TNFRSF21: variants seen among roughly 807,000 people sequenced by gnomAD.
TNFRSF21 encodes TNF receptor superfamily member 21.
Under a neutral mutation model 45.6 loss-of-function variants are expected in TNFRSF21, and 19 were observed. That is an observed-to-expected ratio of 0.42 (90% CI 0.29 to 0.61). TNFRSF21 has a LOEUF of 0.61. TNFRSF21 is among the 20% of genes least tolerant of loss of function. The pLI is 0.23. For synonymous variants in TNFRSF21, 314 were observed against 335.5 expected (o/e 0.94, Z 0.70); for missense variants, 737 against 851.5 (o/e 0.87, Z 1.67).
intron 3 of TNFRSF21, among the ~76,000 whole-genome samples, chr6:47,274,708 G>A (rs1048144762): frequency 1.7e-4 from 26 of 152,090 alleles, no homozygotes; most frequent in African/African-American, 4.6e-4. Context: ...GGCAGCCTAC[G>A]GAATGGGAGA....
chr6:47,271,079 T>G (rs770999092), intron 3 of TNFRSF21, among the ~76,000 whole-genome samples: 30 of 152,194 alleles, frequency 2.0e-4, no homozygotes, highest in Non-Finnish European at 4.1e-4. Flanking sequence ...TGGAACCAAG[T>G]TGGAAAACAC....
chr6:47,253,126 G>A (rs993822175), intron 4 of TNFRSF21, 130 bp downstream of exon 4: 42 of 1,095,770 alleles, frequency 3.8e-5, no homozygotes, highest in African/African-American at 3.1e-4. Flanking sequence ...GTGTGCAGGC[G>A]TATGCGTGTG....
At chr6:47,306,737 C>T (rs1014507110) in intron 1 of TNFRSF21, among the ~76,000 whole-genome samples, 8 of 151,988 alleles carry the variant, frequency 5.3e-5, no homozygotes, top group African/African-American at 1.9e-4. Context: ...AAAGTCATAA[C>T]ACAAAAATGA....
chr6:47,282,475 G>A (rs1482512291), intron 3 of TNFRSF21, among the ~76,000 whole-genome samples: 2 of 151,870 alleles, frequency 1.3e-5, no homozygotes, highest in African/African-American at 2.4e-5. Flanking sequence ...GTCATGGGAT[G>A]GACAAACTTG....
chr6:47,307,707 CAGTT>C (rs1477726202), intron 1 of TNFRSF21, among the ~76,000 whole-genome samples: 3 of 152,314 alleles, frequency 2.0e-5, no homozygotes, highest in Non-Finnish European at 2.9e-5. Context: ...GGCCCTTTCT[CAGTT>C]AGTTAAGGCA....
chr6:47,305,366 C>A (rs1762923979), intron 1 of TNFRSF21, among the ~76,000 whole-genome samples: 1 of 151,946 alleles, frequency 6.6e-6, no homozygotes, highest in South Asian at 2.1e-4. Flanking sequence ...TTCTCTCAAC[C>A]AAAAAATACA....
chr6:47,239,566 T>C (rs1011447408), intron 4 of TNFRSF21, among the ~76,000 whole-genome samples: 2 of 152,308 alleles, frequency 1.3e-5, no homozygotes, highest in South Asian at 4.1e-4. Context: ...AGAGCAGGAA[T>C]AGGCGAGAAC....
intron 4 of TNFRSF21, among the ~76,000 whole-genome samples, chr6:47,252,015 T>C (rs1764907835): frequency 6.6e-6 from 1 of 152,206 alleles, no homozygotes; most frequent in Non-Finnish European, 1.5e-5. Flanking sequence ...AATTAGCACC[T>C]ATAAATTGTT....
At chr6:47,241,479 CA>C (rs1764742429) in intron 4 of TNFRSF21, among the ~76,000 whole-genome samples, 2 of 112,762 alleles carry the variant, frequency 1.8e-5, no homozygotes, top group Non-Finnish European at 4.5e-5. Flanking sequence ...CAAATGTACC[CA>C]ATTTTTTTTT....
intron 1 of TNFRSF21, among the ~76,000 whole-genome samples, chr6:47,302,530 C>G (rs1379591236): frequency 6.6e-6 from 1 of 152,212 alleles, no homozygotes; most frequent in Non-Finnish European, 1.5e-5. Context: ...ATCTTTCCAT[C>G]TTAGCGATGG....
Position 47,309,486 on chromosome 6 carries a change from G to A in TNFRSF21, c.26C>T (p.Thr9Ile). 2 of 1,523,520 alleles carry A rather than the reference G, an allele frequency of 1.3e-6. No homozygotes were observed. Among genetic ancestry groups the A allele is most frequent in the East Asian group, 2.7e-5 (1 of 37,450 alleles). 94.4% of individuals were successfully genotyped at this position (1,523,520 alleles called of 1,614,324 possible). ...GATGCGGCTGCAGGAGGCGAGGGCG[G>A]TGCTGCTGCTCGGAGAGGTCCCCAT... MGTSPSSS[T>I]ALASCSRIAR... is the part of the protein sequence containing the mutation. Residue 9 changes from threonine (T) to isoleucine (I), a missense_variant, in exon 1 of 6, where the codon ACC becomes ATC. Physicochemically the swap from Thr to Ile is moderately conservative, Grantham distance 89. Transcript: ENST00000296861.
At chr6:47,279,970 TC>T (rs1762545692) in intron 3 of TNFRSF21, among the ~76,000 whole-genome samples, 3 of 152,210 alleles carry the variant, frequency 2.0e-5, no homozygotes, top group Non-Finnish European at 4.4e-5. Context: ...CTCTTATGTT[TC>T]CAATACTAGG....
chr6:47,308,711 T>C (rs1253112899), intron 1 of TNFRSF21, among the ~76,000 whole-genome samples: 2 of 152,140 alleles, frequency 1.3e-5, no homozygotes, highest in Non-Finnish European at 2.9e-5. Flanking sequence ...CCTCCCCCCA[T>C]TCCAGTGCCG....
intron 4 of TNFRSF21, among the ~76,000 whole-genome samples, chr6:47,247,372 T>C (rs1764837786): frequency 6.6e-6 from 1 of 152,202 alleles, no homozygotes; most frequent in Non-Finnish European, 1.5e-5. Flanking sequence ...AGCTGCTAGA[T>C]ACATGCAAGT....
chr6:47,234,946 T>A, intron 4 of TNFRSF21, 48 bp from the exon 5 acceptor site: 1 of 1,089,318 alleles, frequency 9.2e-7, no homozygotes, highest in Non-Finnish European at 1.2e-6. Context: ...AAAAAAACAG[T>A]AAAATTAAAA....
chr6:47,279,632 C>T (rs1762540640), intron 3 of TNFRSF21, among the ~76,000 whole-genome samples: 1 of 152,152 alleles, frequency 6.6e-6, no homozygotes, highest in Non-Finnish European at 1.5e-5. Context: ...TTTGGACCCT[C>T]CCCCTCCACT....
At chr6:47,244,145 C>T (rs1764789853) in intron 4 of TNFRSF21, among the ~76,000 whole-genome samples, 1 of 151,978 alleles carries the variant, frequency 6.6e-6, no homozygotes, top group Admixed American at 6.6e-5. Context: ...CACGGTGAAA[C>T]CCCATCTCTA....
chr6:47,288,930 C>T (rs1762684472), intron 1 of TNFRSF21, among the ~76,000 whole-genome samples: 1 of 152,152 alleles, frequency 6.6e-6, no homozygotes, highest in South Asian at 2.1e-4. Flanking sequence ...GGGCCTGCAG[C>T]CACCCAGGAG....
At chr6:47,308,160 C>A (rs1762966276) in intron 1 of TNFRSF21, among the ~76,000 whole-genome samples, 1 of 152,242 alleles carries the variant, frequency 6.6e-6, no homozygotes, top group South Asian at 2.1e-4. Context: ...TAAATGCTAA[C>A]AGTAACAAAC....
Sources: gnomAD v4.1 joint callset for allele counts (sites outside exome capture counted in the v4.1 genomes callset) on GRCh38, gnomAD v4.1.1 for gene constraint, MANE v1.5 for transcripts, NCBI Gene and HGNC (gene_info 2026-07-23, HGNC 2026-07-21) for gene names.